The following LMO7 variants were observed in gnomAD, a reference collection of about 807,000 sequenced individuals.
LMO7 encodes LIM domain 7.
A neutral mutation model predicts 206.5 loss-of-function variants in LMO7; 120 were observed. The ratio of observed to expected loss-of-function variants is 0.58; its 90% CI spans 0.50 to 0.68. The LOEUF (loss-of-function observed/expected upper bound fraction) is 0.68. Ranked by LOEUF, LMO7 falls within the 30% of genes least tolerant of loss-of-function variation. The pLI, the probability that LMO7 is intolerant of heterozygous loss-of-function variation, is 0.00. For missense variants in LMO7, 1,959 were observed against 1,957.9 expected (o/e 1.00, Z -0.01); for synonymous variants, 706 against 681.5 (o/e 1.04, Z -0.56).
In LMO7 at chr13:75,636,588, C is replaced by A; in HGVS notation, c.-70C>A. The A allele has an allele frequency of 3.2e-6, 5 of 1,541,212 alleles. No individual in the cohort carries two copies. The South Asian group carries it at 6.0e-5, about 18-fold the overall frequency. ...CCGCGTGCCCTCCCCGCCCGTGGGG[C>A]CCAGACGCGCGGGGACAACCCCTCC... On this transcript the variant is annotated 5_prime_UTR_variant, in exon 1 of 31. Transcript: ENST00000377534.
chr13:75,637,456 A>C (rs1054909154), intron 1 of LMO7, among the ~76,000 whole-genome samples: 1 of 152,144 alleles, frequency 6.6e-6, no homozygotes, highest in African/African-American at 2.4e-5. Context: ...TTGGGGCTAC[A>C]TTTATCTGTA....
intron 4 of LMO7, among the ~76,000 whole-genome samples, chr13:75,776,898 T>C (rs1007629790): frequency 6.6e-6 from 1 of 152,230 alleles, no homozygotes; most frequent in Non-Finnish European, 1.5e-5. Flanking sequence ...AATGTGCACT[T>C]TTAAGAAATG....
intron 1 of LMO7, among the ~76,000 whole-genome samples, chr13:75,678,639 A>G (rs917885587): frequency 3.3e-5 from 5 of 152,174 alleles, no homozygotes; most frequent in African/African-American, 1.2e-4. Flanking sequence ...CTTCGGTGAG[A>G]CCAGCTCTCC....
At chr13:75,839,697 G>A in intron 20 of LMO7, 1 of 158,126 alleles carries the variant, frequency 6.3e-6, no homozygotes, top group Non-Finnish European at 1.4e-5. Context: ...AAAAAATTGG[G>A]ATTTGGTAGA....
chr13:75,837,387 G>A (rs1441855648), intron 19 of LMO7, among the ~76,000 whole-genome samples: 1 of 152,152 alleles, frequency 6.6e-6, no homozygotes. Flanking sequence ...GGTGAGATAG[G>A]TGATCAGACA....
At chr13:75,732,972 G>A (rs933722379) in intron 3 of LMO7, among the ~76,000 whole-genome samples, 1 of 152,122 alleles carries the variant, frequency 6.6e-6, no homozygotes, top group Non-Finnish European at 1.5e-5. Flanking sequence ...CTGTCTGATC[G>A]TTCCTCTGGA....
At chr13:75,671,542 C>G (rs2039581398) in intron 1 of LMO7, among the ~76,000 whole-genome samples, 1 of 152,108 alleles carries the variant, frequency 6.6e-6, no homozygotes, top group Non-Finnish European at 1.5e-5. Context: ...CCAGTGTCCC[C>G]TTCTCTCCCA....
rs1161890061 is a variant in LMO7, at chr13:75,856,539, T to G, written c.4804T>G (p.Ser1602Ala). 5.0e-6 allele frequency: 8 copies of G among 1,612,360 alleles called. No individual in the cohort carries two copies. Among genetic ancestry groups the G allele is most frequent in the Non-Finnish European group, 5.9e-6 (7 of 1,178,700 alleles). The change falls in exon 30 of 31, where the codon TCC becomes GCC. Residue 1602 changes from serine to alanine, a missense_variant. Physicochemically the swap from Ser to Ala is moderately conservative, Grantham distance 99. Transcript: ENST00000377534. ...VACECDLGGS[S>A]SGAEVRIRNH... ...CTGTGAGTGTGACCTCGGAGGCTCT[T>G]CCTCAGGAGCTGAAGTCAGGATCAG...
chr13:75,635,051 A>G (rs2035601096), upstream of LMO7, among the ~76,000 whole-genome samples: 1 of 151,958 alleles, frequency 6.6e-6, no homozygotes, highest in Non-Finnish European at 1.5e-5. Context: ...AAACAAACAG[A>G]AAGTAAATAC....
chr13:75,784,674 G>A (rs754035401), intron 4 of LMO7, among the ~76,000 whole-genome samples: 1 of 152,066 alleles, frequency 6.6e-6, no homozygotes, highest in Non-Finnish European at 1.5e-5. Flanking sequence ...GAACTTCCAT[G>A]TACATCAGAA....
intron 4 of LMO7, among the ~76,000 whole-genome samples, chr13:75,791,050 C>T (rs752115498): frequency 1.1e-4 from 16 of 150,700 alleles, no homozygotes; most frequent in Non-Finnish European, 1.8e-4. Flanking sequence ...GATCTCGGCT[C>T]ACTGCAAACT....
At chr13:75,697,473 A>G (rs2041986913) in intron 1 of LMO7, among the ~76,000 whole-genome samples, 1 of 152,176 alleles carries the variant, frequency 6.6e-6, no homozygotes. Flanking sequence ...AGATCTCATG[A>G]GACTTATTCA....
intron 1 of LMO7, among the ~76,000 whole-genome samples, chr13:75,667,126 G>T (rs955203024): frequency 4.6e-5 from 7 of 152,122 alleles, no homozygotes; most frequent in Non-Finnish European, 8.8e-5. Flanking sequence ...CTGATGAGAA[G>T]TAACTTGTAA....
chr13:75,624,762 CAAGA>C (rs1176826935), intron 2 of LMO7, among the ~76,000 whole-genome samples: 1 of 152,158 alleles, frequency 6.6e-6, no homozygotes, highest in African/African-American at 2.4e-5. Flanking sequence ...GGGAACAGCA[CAAGA>C]AAGACCCACT....
intron 4 of LMO7, among the ~76,000 whole-genome samples, chr13:75,787,779 C>A (rs548868573): frequency 3.9e-4 from 60 of 152,276 alleles, no homozygotes; most frequent in Middle Eastern, 6.8e-3. Context: ...AAATGGAATG[C>A]AGCTTCATTT....
At chr13:75,752,429 G>A (rs557136425) in intron 3 of LMO7, among the ~76,000 whole-genome samples, 8 of 152,116 alleles carry the variant, frequency 5.3e-5, no homozygotes, top group Non-Finnish European at 1.0e-4. Flanking sequence ...CACTGCACCC[G>A]GCCAAAGAAC....
Position 75,636,796 on chromosome 13 carries a change from G to A in LMO7, c.69+70G>A, listed in dbSNP as rs1242708551. 2.1e-6 allele frequency: 3 copies of A among 1,431,644 alleles called. No individual in the cohort carries two copies. In the African/African-American group the frequency reaches 4.2e-5, roughly 20 times the overall value. The allele number at this position is 1,431,644 out of a possible 1,614,324, so 88.7% of individuals were successfully genotyped here. On this transcript the variant is annotated intron_variant, in intron 1 of 30. Transcript: ENST00000377534. Reference sequence around the variant, plus strand: ...TCGGGGCGGTCGTCGCGAGGTGACTGCAGCCCCAGTCACTCTGCACTTTAG... The same window carrying A: ...TCGGGGCGGTCGTCGCGAGGTGACTACAGCCCCAGTCACTCTGCACTTTAG...
chr13:75,636,866 T>A lies in LMO7; in HGVS notation c.69+140T>A. 4.7e-6 allele frequency: 4 copies of A among 848,200 alleles called. No individual in the cohort carries two copies. In the South Asian group the frequency reaches 5.8e-5, roughly 12 times the overall value. 52.5% of individuals were successfully genotyped at this position (848,200 alleles called of 1,614,324 possible). ...CGACGTGAACAAGCTGGTTTGCTTG[T>A]GCACTTTTGGGGACTCTGCGGGTTC... On this transcript the variant is annotated intron_variant, in intron 1 of 30. Transcript: ENST00000377534.
chr13:75,755,911 G>A (rs1405645081), intron 3 of LMO7, among the ~76,000 whole-genome samples: 1 of 152,158 alleles, frequency 6.6e-6, no homozygotes, highest in Non-Finnish European at 1.5e-5. Flanking sequence ...ATAGTAAAAT[G>A]TGAGAGGAGA....
Sources: allele counts gnomAD v4.1 joint callset (sites outside exome capture counted in the v4.1 genomes callset), GRCh38; gene constraint gnomAD v4.1.1; transcripts MANE v1.5; gene names NCBI Gene and HGNC (gene_info 2026-07-23, HGNC 2026-07-21).